ASCC3: variants seen among roughly 807,000 people sequenced by gnomAD.
ASCC3 encodes ASC-1 complex subunit P200.
Under a neutral mutation model 256.3 loss-of-function variants are expected in ASCC3, and 158 were observed. That is an observed-to-expected ratio of 0.62 (90% CI 0.54 to 0.70). ASCC3 has a LOEUF of 0.70. Ranked by LOEUF, ASCC3 falls within the 30% of genes least tolerant of loss-of-function variation. The probability of loss-of-function intolerance (pLI) is 0.00; values close to 1 mark genes in which losing one functional copy is unlikely to be tolerated. For synonymous variants in ASCC3, 948 were observed against 883.4 expected, an observed-to-expected ratio of 1.07 and a Z score of -1.30; for missense variants, 2,259 against 2,626.0, an observed-to-expected ratio of 0.86 and a Z score of 3.05.
intron 36 of ASCC3, among the ~76,000 whole-genome samples, chr6:100,557,471 AT>A (rs1442661818): frequency 6.6e-6 from 1 of 152,152 alleles, no homozygotes; most frequent in African/African-American, 2.4e-5. Flanking sequence ...TTTCTAATAA[AT>A]GAACTCATTA....
At chr6:100,577,166 C>T (rs1390421317) in intron 36 of ASCC3, among the ~76,000 whole-genome samples, 3 of 152,006 alleles carry the variant, frequency 2.0e-5, no homozygotes, top group African/African-American at 7.2e-5. Flanking sequence ...ACCTATCACA[C>T]CAAATATGAC....
At position 100,859,142 on chromosome 6, in the gene ASCC3, C is replaced by T. The variant is rs778296794; in HGVS notation, c.241+4922G>A. 9.0e-6 allele frequency: 7 copies of T among 779,940 alleles called. No homozygotes were observed. In the Admixed American group the frequency reaches 1.2e-4, roughly 13 times the overall value. The allele number at this position is 779,940 out of a possible 1,614,324, so 48.3% of individuals were successfully genotyped here. ...TCCTCTGAATCTGTCAGAAGCTCTGCTCATCTTCTCATCCTCCTCTTTTCC... is the reference window on the plus strand; with the variant it reads ...TCCTCTGAATCTGTCAGAAGCTCTGTTCATCTTCTCATCCTCCTCTTTTCC... On this transcript the variant is annotated intron_variant, in intron 3 of 41. Coordinates refer to ENST00000369162, the MANE Select transcript of ASCC3 (RefSeq NM_006828.4).
chr6:100,617,407 G>C (rs542573023), intron 30 of ASCC3, among the ~76,000 whole-genome samples: 9 of 152,216 alleles, frequency 5.9e-5, no homozygotes, highest in Middle Eastern at 6.8e-3. Context: ...CCAGATCGTA[G>C]CACTATTTTC....
intron 4 of ASCC3, among the ~76,000 whole-genome samples, chr6:100,812,389 T>C (rs1486022966): frequency 1.3e-5 from 2 of 151,954 alleles, no homozygotes; most frequent in African/African-American, 4.8e-5. Context: ...AAAGTAGGCA[T>C]TGTAAATATG....
chr6:100,782,973 G>T (rs1461017322), intron 8 of ASCC3, among the ~76,000 whole-genome samples: 1 of 151,586 alleles, frequency 6.6e-6, no homozygotes, highest in Non-Finnish European at 1.5e-5. Flanking sequence ...GTATGTAAAG[G>T]TTGCTAGTTT....
chr6:100,878,137 T>C (rs2114578728), intron 1 of ASCC3, among the ~76,000 whole-genome samples: 1 of 152,298 alleles, frequency 6.6e-6, no homozygotes, highest in East Asian at 1.9e-4. Context: ...CAAGAAGCAA[T>C]TGCTCCTGAA....
chr6:100,639,088 G>A (rs1272510755), intron 24 of ASCC3, among the ~76,000 whole-genome samples: 4 of 152,118 alleles, frequency 2.6e-5, no homozygotes, highest in Non-Finnish European at 5.9e-5. Context: ...TTCCAATCAG[G>A]AAAGTCATTT....
chr6:100,653,094 A>G (rs1775749054), intron 17 of ASCC3, among the ~76,000 whole-genome samples: 7 of 152,202 alleles, frequency 4.6e-5, no homozygotes, highest in Admixed American at 3.9e-4. Context: ...AAATTCATTA[A>G]AATTATCAAT....
At chr6:100,547,059 T>C (rs1315752406) in intron 36 of ASCC3, among the ~76,000 whole-genome samples, 4 of 151,652 alleles carry the variant, frequency 2.6e-5, no homozygotes, top group Admixed American at 2.6e-4. Context: ...GAACAAGGAG[T>C]CCAAAAATAA....
rs1562341005 is a variant in ASCC3 at position 100,848,459 on chromosome 6, C to A, written c.490G>T (p.Gly164Cys). The A allele has an allele frequency of 1.2e-6, 2 of 1,607,658 alleles. No homozygotes were observed. Among genetic ancestry groups the A allele is most frequent in the East Asian group, 4.5e-5 (2 of 44,808 alleles). ...EKEHGDRVFF[G>C]KNLAFSFDMH... is the part of the protein sequence containing the mutation. Reference sequence around the variant, plus strand: ...TCAAATGAAAATGCTAAATTTTTACCAAAAAAAACCCTATCGCCATGTTCT... The same window carrying A: ...TCAAATGAAAATGCTAAATTTTTACAAAAAAAAACCCTATCGCCATGTTCT... The change falls in exon 4 of 42, where the codon GGT becomes TGT. Residue 164 changes from glycine (G) to cysteine (C), a missense_variant. Coordinates refer to ENST00000369162, the MANE Select transcript of ASCC3 (RefSeq NM_006828.4).
intron 10 of ASCC3, among the ~76,000 whole-genome samples, chr6:100,763,833 T>C (rs1461886615): frequency 6.6e-6 from 1 of 152,186 alleles, no homozygotes; most frequent in East Asian, 1.9e-4. Flanking sequence ...AGGGCTGCAC[T>C]CTCATCAGTG....
chr6:100,745,574 C>G (rs1254183539), intron 10 of ASCC3, among the ~76,000 whole-genome samples: 1 of 151,704 alleles, frequency 6.6e-6, no homozygotes, highest in Admixed American at 6.6e-5. Flanking sequence ...TGCTCCTGTT[C>G]TGTATTGCCA....
intron 13 of ASCC3, among the ~76,000 whole-genome samples, chr6:100,683,533 C>T (rs1777408512): frequency 6.6e-6 from 1 of 151,948 alleles, no homozygotes; most frequent in Non-Finnish European, 1.5e-5. Flanking sequence ...TATAAACACA[C>T]CTGATTTTAT....
At chr6:100,849,620 AATTT>A (rs560833861) in intron 3 of ASCC3, among the ~76,000 whole-genome samples, 156 of 152,310 alleles carry the variant, frequency 1.0e-3, no homozygotes, top group Middle Eastern at 3.4e-3. Flanking sequence ...ATCAGCCTCT[AATTT>A]ATTTAAGGCA....
chr6:100,596,149 G>A (rs1365816521), intron 34 of ASCC3, among the ~76,000 whole-genome samples: 4 of 151,636 alleles, frequency 2.6e-5, no homozygotes, highest in Non-Finnish European at 5.9e-5. Context: ...AAATTTTTTT[G>A]CCATCCCTTT....
chr6:100,644,561 T>C (rs1775287870), intron 22 of ASCC3, among the ~76,000 whole-genome samples: 1 of 152,182 alleles, frequency 6.6e-6, no homozygotes, highest in Admixed American at 6.5e-5. Context: ...ATAGATATAC[T>C]GTATTTTGCT....
chr6:100,775,897 T>C (rs1022315980), intron 8 of ASCC3, among the ~76,000 whole-genome samples: 2 of 152,032 alleles, frequency 1.3e-5, no homozygotes, highest in Admixed American at 6.5e-5. Context: ...TTGTGAATTG[T>C]GTTTGTAAGC....
intron 37 of ASCC3, among the ~76,000 whole-genome samples, chr6:100,529,715 CAAAGGA>C (rs1774770694): frequency 6.6e-6 from 1 of 152,106 alleles, no homozygotes; most frequent in Admixed American, 6.6e-5. Flanking sequence ...CAATATAGGA[CAAAGGA>C]AACACAGTCA....
At chr6:100,554,497 A>T (rs944766219) in intron 36 of ASCC3, among the ~76,000 whole-genome samples, 3 of 152,200 alleles carry the variant, frequency 2.0e-5, no homozygotes, top group African/African-American at 7.2e-5. Flanking sequence ...TCGATGTGAG[A>T]CTAAAGAAGC....
Sources: allele counts gnomAD v4.1 joint callset (sites outside exome capture counted in the v4.1 genomes callset), GRCh38; gene constraint gnomAD v4.1.1; transcripts MANE v1.5; gene names NCBI Gene and HGNC (gene_info 2026-07-23, HGNC 2026-07-21).